The following COL24A1 variants were observed in gnomAD, a reference collection of about 807,000 sequenced individuals.
The protein encoded by COL24A1 is collagen alpha-1(XXIV) chain.
COL24A1 carries 224 observed loss-of-function variants against 253.9 expected under a neutral mutation model. The observed-to-expected ratio is 0.88, with a 90% CI of 0.79 to 0.99. COL24A1 has a LOEUF of 0.99. Among genes scored for constraint, COL24A1 ranks in the 50% least tolerant of loss-of-function variants. The pLI, the probability that COL24A1 is intolerant of heterozygous loss-of-function variation, is 0.00. For missense variants in COL24A1, 2,131 were observed against 2,068.5 expected (o/e 1.03, Z -0.59); for synonymous variants, 685 against 673.7 (o/e 1.02, Z -0.26).
At chr1:85,914,304 ATGTGTGTGTGTGTG>A (rs71078628) in intron 24 of COL24A1, among the ~76,000 whole-genome samples, 28 of 139,186 alleles carry the variant, frequency 2.0e-4, no homozygotes, top group Non-Finnish European at 3.3e-4. Flanking sequence ...TTTGTCATGA[ATGTGTGTGTGTGTG>A]TGTGTGTGTG....
At chr1:85,813,532 CTTTTTTTTTTTTTTTTTTTTTTTT>C (rs765607746) in intron 47 of COL24A1, among the ~76,000 whole-genome samples, 1 of 76,246 alleles carries the variant, frequency 1.3e-5, no homozygotes, top group East Asian at 8.5e-4. Flanking sequence ...TCATTCAGGT[CTTTTTTTTTTTTTTTTTTTTTTTT>C]TTTTTTTTTT....
intron 24 of COL24A1, among the ~76,000 whole-genome samples, chr1:85,960,548 T>C (rs1690925643): frequency 6.6e-6 from 1 of 152,104 alleles, no homozygotes; most frequent in South Asian, 2.1e-4. Flanking sequence ...AAAAACTATC[T>C]TCAAGCTATT....
chr1:85,833,096 G>A (rs1264874461), intron 43 of COL24A1, among the ~76,000 whole-genome samples: 2 of 152,020 alleles, frequency 1.3e-5, no homozygotes, highest in African/African-American at 2.4e-5. Flanking sequence ...TTTGAGATAC[G>A]TCCCATCAAT....
At chr1:86,034,309 T>C (rs1698827427) in intron 12 of COL24A1, among the ~76,000 whole-genome samples, 1 of 152,134 alleles carries the variant, frequency 6.6e-6, no homozygotes, top group South Asian at 2.1e-4. Context: ...GAGAATAAAA[T>C]AGCTAGTATT....
At chr1:85,996,765 T>C (rs1344188939) in intron 19 of COL24A1, among the ~76,000 whole-genome samples, 1 of 151,964 alleles carries the variant, frequency 6.6e-6, no homozygotes, top group African/African-American at 2.4e-5. Flanking sequence ...ACAAAAAGAT[T>C]CCTTGGTTTC....
Position 85,857,521 on chromosome 1 carries a change from A to G in COL24A1, c.3301-8115T>C, listed in dbSNP as rs145020340. ...AAAATGAAAATTACTAGATGTAAAC[A>G]TCATCAGCAGAAACCATCAGGGTAG... is the stretch of plus-strand genomic sequence containing the variant. On this transcript the variant is annotated intron_variant, in intron 37 of 59. Transcript: ENST00000370571. Among the ~76,000 whole-genome samples, 22 of 152,104 alleles carry G rather than the reference A, an allele frequency of 1.4e-4. No homozygotes were observed. In the East Asian group the frequency reaches 4.2e-3, roughly 29 times the overall value.
intron 19 of COL24A1, among the ~76,000 whole-genome samples, chr1:86,001,115 AAAAGCTAAAT>A (rs201310672): frequency 0.012 from 1,812 of 152,346 alleles, 42 homozygotes; most frequent in African/African-American, 0.04. Context: ...CAATTCCATG[AAAAGCTAAAT>A]GCACTGATCT....
At position 86,127,538 on chromosome 1, in the gene COL24A1, A is replaced by G. The variant is rs191161715; in HGVS notation, c.122-1324T>C. 2.1e-4 allele frequency among the ~76,000 whole-genome samples: 32 copies of G among 152,190 alleles called. No homozygotes were observed. In the East Asian group the frequency reaches 4.5e-3, roughly 21 times the overall value. On this transcript the variant is annotated intron_variant, in intron 2 of 59. Transcript: ENST00000370571. ...TTAAATATCACTTAAAAAGAATGAC[A>G]AATTCTGTCTTTAAAATACAGAACA...
At chr1:86,135,994 G>A (rs1020282484) in intron 2 of COL24A1, among the ~76,000 whole-genome samples, 5 of 151,944 alleles carry the variant, frequency 3.3e-5, no homozygotes, top group Admixed American at 1.3e-4. Context: ...GCTCTGCTCC[G>A]GTACTACCAG....
intron 12 of COL24A1, among the ~76,000 whole-genome samples, chr1:86,037,527 A>G (rs1699132377): frequency 6.6e-6 from 1 of 152,196 alleles, no homozygotes; most frequent in Non-Finnish European, 1.5e-5. Flanking sequence ...GCAAAAAGCC[A>G]GAGCCCTCCA....
At chr1:86,014,835 A>G (rs149731581) in intron 19 of COL24A1, among the ~76,000 whole-genome samples, 54 of 152,160 alleles carry the variant, frequency 3.5e-4, no homozygotes, top group Middle Eastern at 3.4e-3. Context: ...CCATCCTTCT[A>G]AATAACCTTT....
intron 39 of COL24A1, 60 bp downstream of exon 39, chr1:85,847,605 A>G (rs1324085833): frequency 1.0e-5 from 12 of 1,194,962 alleles, no homozygotes; most frequent in Non-Finnish European, 1.4e-5. Context: ...CTTTAAGGGC[A>G]TGGATACGTT....
chr1:85,845,846 T>C (rs932776567), intron 39 of COL24A1, among the ~76,000 whole-genome samples: 17 of 151,938 alleles, frequency 1.1e-4, no homozygotes, highest in Admixed American at 7.9e-4. Flanking sequence ...TGTAAGCAGA[T>C]TTGAGTAAAT....
chr1:85,763,567 CTG>C (rs1338244683), intron 53 of COL24A1, among the ~76,000 whole-genome samples: 1 of 147,272 alleles, frequency 6.8e-6, no homozygotes, highest in African/African-American at 2.5e-5. Context: ...TCTCGGCTCA[CTG>C]CAATCTCTGC....
At chr1:85,856,493 GGTATA>G (rs1678451442) in intron 37 of COL24A1, among the ~76,000 whole-genome samples, 1 of 151,972 alleles carries the variant, frequency 6.6e-6, no homozygotes, top group Non-Finnish European at 1.5e-5. Flanking sequence ...TCCATTTAAT[GGTATA>G]GTTTTGAGAA....
intron 53 of COL24A1, among the ~76,000 whole-genome samples, chr1:85,774,670 T>A (rs1668336197): frequency 6.6e-6 from 1 of 152,254 alleles, no homozygotes; most frequent in Non-Finnish European, 1.5e-5. Context: ...GAGGTGCTTA[T>A]AGTATTCTCT....
chr1:85,949,143 C>T (rs1256963771), intron 24 of COL24A1, among the ~76,000 whole-genome samples: 9 of 151,928 alleles, frequency 5.9e-5, no homozygotes, highest in Non-Finnish European at 4.4e-5. Flanking sequence ...ATTTTGTTTC[C>T]AAAATCATAG....
rs1438159434 is a variant in COL24A1 at position 86,059,606 on chromosome 1, T to TAAG, written c.1753-433_1753-432insCTT. 1.9e-4 allele frequency among the ~76,000 whole-genome samples: 29 copies of TAAG among 152,308 alleles called. No individual in the cohort carries two copies. The East Asian group carries it at 5.0e-3, about 26-fold the overall frequency. The stretch of plus-strand genomic sequence containing the variant: ...AAACCACAAAACCAACCTCTACTTC[T>TAAG]TTCCTAAAGTAAACTTAACCTTACA... On this transcript the variant is annotated intron_variant, in intron 8 of 59. Transcript: ENST00000370571.
intron 37 of COL24A1, among the ~76,000 whole-genome samples, chr1:85,865,655 G>GT (rs1007657806): frequency 1.3e-5 from 2 of 152,004 alleles, no homozygotes; most frequent in Non-Finnish European, 2.9e-5. Context: ...TCTTAATTCT[G>GT]TTTTTTCCCT....
Sources: gnomAD v4.1 joint callset for allele counts (sites outside exome capture counted in the v4.1 genomes callset) on GRCh38, gnomAD v4.1.1 for gene constraint, MANE v1.5 for transcripts, NCBI Gene and HGNC (gene_info 2026-07-23, HGNC 2026-07-21) for gene names.